Variants in SAMMSON observed in about 807,000 individuals in gnomAD.
SAMMSON encodes survival associated mitochondrial melanoma specific oncogenic non-coding RNA.
intron 4 of SAMMSON, among the ~76,000 whole-genome samples, chr3:70,200,355 G>A (rs1701225755): frequency 6.6e-6 from 1 of 152,150 alleles, no homozygotes; most frequent in South Asian, 2.1e-4. Flanking sequence ...TGCATGATTG[G>A]ATTCCTGCCT....
intron 4 of SAMMSON, among the ~76,000 whole-genome samples, chr3:70,192,273 T>C (rs1290738569): frequency 1.3e-5 from 2 of 152,130 alleles, no homozygotes; most frequent in African/African-American, 4.8e-5. Context: ...TGGCAAAGGA[T>C]TGAATGAGAA....
intron 4 of SAMMSON, chr3:70,071,704 G>A (rs1249080992): frequency 6.6e-6 from 1 of 151,968 alleles, no homozygotes; most frequent in East Asian, 1.9e-4. Flanking sequence ...GGTTATCAAT[G>A]ATGATCAACC....
intron 3 of SAMMSON, among the ~76,000 whole-genome samples, chr3:70,016,259 A>G (rs2066984781): frequency 6.6e-6 from 1 of 152,250 alleles, no homozygotes; most frequent in Admixed American, 6.5e-5. Flanking sequence ...TGCCATTCTA[A>G]CTGGTGTGAG....
At chr3:70,009,604 A>T (rs1368249957) in intron 1 of SAMMSON, among the ~76,000 whole-genome samples, 1 of 151,320 alleles carries the variant, frequency 6.6e-6, no homozygotes, top group Admixed American at 6.6e-5. Flanking sequence ...GGATTCATTG[A>T]TTTTTTTGAA....
intron 4 of SAMMSON, among the ~76,000 whole-genome samples, chr3:70,240,243 GAA>G (rs1259409196): frequency 3.3e-5 from 5 of 151,808 alleles, no homozygotes; most frequent in Admixed American, 1.3e-4. Flanking sequence ...CTTTCTATGT[GAA>G]AAAAGTTTCC....
At chr3:70,172,828 C>A (rs1164529430) in intron 4 of SAMMSON, 1 of 151,804 alleles carries the variant, frequency 6.6e-6, no homozygotes, top group Non-Finnish European at 1.5e-5. Flanking sequence ...AATCTGAGTT[C>A]TTAATTTTAA....
chr3:70,196,331 G>A (rs1374037599), intron 4 of SAMMSON, among the ~76,000 whole-genome samples: 4 of 152,112 alleles, frequency 2.6e-5, no homozygotes, highest in African/African-American at 4.8e-5. Context: ...ATGTTTTAGA[G>A]ACATCTGTTG....
intron 4 of SAMMSON, among the ~76,000 whole-genome samples, chr3:70,087,819 A>G (rs1236757591): frequency 6.6e-6 from 1 of 152,188 alleles, no homozygotes; most frequent in Non-Finnish European, 1.5e-5. Flanking sequence ...CACAGCTCTA[A>G]AAGAAGGCAG....
chr3:70,191,168 G>A (rs1701129097), intron 4 of SAMMSON, among the ~76,000 whole-genome samples: 1 of 152,190 alleles, frequency 6.6e-6, no homozygotes, highest in South Asian at 2.1e-4. Context: ...GAGGATGTTG[G>A]GGAGTGCTGA....
chr3:70,422,484 C>CTA, intron 2 of SAMMSON, among the ~76,000 whole-genome samples: 1 of 151,882 alleles, frequency 6.6e-6, no homozygotes, highest in South Asian at 2.1e-4. Flanking sequence ...TACTATAGTA[C>CTA]GTTGTGAGTT....
At chr3:70,403,329 G>A (rs1575642151) in intron 2 of SAMMSON, among the ~76,000 whole-genome samples, 1 of 152,120 alleles carries the variant, frequency 6.6e-6, no homozygotes, top group African/African-American at 2.4e-5. Context: ...GGGGATAGGG[G>A]CCAAAACAAA....
intron 3 of SAMMSON, among the ~76,000 whole-genome samples, chr3:70,023,615 G>A (rs1308814410): frequency 1.3e-5 from 2 of 152,220 alleles, no homozygotes; most frequent in South Asian, 4.2e-4. Flanking sequence ...AAGTAAAAAT[G>A]TGAATCTTAA....
At chr3:70,068,483 G>A (rs886901426) in intron 3 of SAMMSON, 1 of 152,046 alleles carries the variant, frequency 6.6e-6, no homozygotes, top group African/African-American at 2.4e-5. Context: ...TATCATAAAT[G>A]TGCTTATTTG....
At chr3:70,289,140 G>A (rs1447986429) in intron 6 of SAMMSON, among the ~76,000 whole-genome samples, 1 of 151,324 alleles carries the variant, frequency 6.6e-6, no homozygotes, top group African/African-American at 2.4e-5. Flanking sequence ...AGTTGATGCA[G>A]TTTCTTCCTA....
chr3:70,056,549 TTC>T (rs138631519), intron 3 of SAMMSON, among the ~76,000 whole-genome samples: 31 of 149,594 alleles, frequency 2.1e-4, no homozygotes, highest in East Asian at 5.9e-4. Context: ...TACATATTGT[TTC>T]TCTCTCTCTC....
At chr3:70,006,677 C>CT (rs541596326) in intron 1 of SAMMSON, among the ~76,000 whole-genome samples, 1 of 151,668 alleles carries the variant, frequency 6.6e-6, no homozygotes, top group African/African-American at 2.4e-5. Flanking sequence ...TTAAATTATA[C>CT]TTTAAGTTTT....
intron 4 of SAMMSON, among the ~76,000 whole-genome samples, chr3:70,183,000 T>A (rs1701065841): frequency 6.6e-6 from 1 of 152,218 alleles, no homozygotes; most frequent in Non-Finnish European, 1.5e-5. Flanking sequence ...AAGTCTTTCT[T>A]ACTCTGACAG....
At chr3:70,364,751 T>C (rs958595815) in intron 9 of SAMMSON, among the ~76,000 whole-genome samples, 1 of 151,890 alleles carries the variant, frequency 6.6e-6, no homozygotes, top group African/African-American at 2.4e-5. Context: ...ATGCAGATGG[T>C]ACATCTCCTT....
intron 1 of SAMMSON, among the ~76,000 whole-genome samples, chr3:70,004,647 T>A (rs181849575): frequency 6.6e-6 from 1 of 152,310 alleles, no homozygotes; most frequent in East Asian, 1.9e-4. Context: ...TTTTTAAAGT[T>A]TGAAAATTTC....
Sources: allele counts gnomAD v4.1 joint callset (sites outside exome capture counted in the v4.1 genomes callset), GRCh38; gene constraint gnomAD v4.1.1; transcripts MANE v1.5; gene names NCBI Gene and HGNC (gene_info 2026-07-23, HGNC 2026-07-21).